CTNNA3: variants seen among roughly 807,000 people sequenced by gnomAD.
CTNNA3 encodes catenin alpha 3.
CTNNA3 carries 76 observed loss-of-function variants against 95.7 expected under a neutral mutation model. The ratio of observed to expected loss-of-function variants is 0.79; its 90% CI spans 0.66 to 0.96. CTNNA3 has a LOEUF of 0.96. Ranked by LOEUF, CTNNA3 falls within the 40% of genes least tolerant of loss-of-function variation. The pLI is 0.00. For missense variants in CTNNA3, 1,191 were observed against 1,089.8 expected, an observed-to-expected ratio of 1.09 and a Z score of -1.31; for synonymous variants, 431 against 374.4, an observed-to-expected ratio of 1.15 and a Z score of -1.74.
intron 7 of CTNNA3, among the ~76,000 whole-genome samples, chr10:67,048,646 C>T (rs1854897308): frequency 6.6e-6 from 1 of 152,026 alleles, no homozygotes; most frequent in African/African-American, 2.4e-5. Context: ...ATTTTGAGAG[C>T]TGCAGAAAAC....
chr10:66,447,619 G>A (rs551870630), intron 11 of CTNNA3, among the ~76,000 whole-genome samples: 17 of 152,092 alleles, frequency 1.1e-4, no homozygotes, highest in Admixed American at 3.3e-4. Context: ...ACTGGCTAGC[G>A]ATATGTAGAA....
At chr10:66,811,316 G>C (rs977502604) in intron 7 of CTNNA3, among the ~76,000 whole-genome samples, 1 of 152,174 alleles carries the variant, frequency 6.6e-6, no homozygotes, top group Non-Finnish European at 1.5e-5. Context: ...GTTTAGGTTA[G>C]AGAAGAGAAA....
At chr10:66,038,511 T>C (rs2079614375) in intron 15 of CTNNA3, among the ~76,000 whole-genome samples, 1 of 152,198 alleles carries the variant, frequency 6.6e-6, no homozygotes, top group Non-Finnish European at 1.5e-5. Context: ...AAATAACCTA[T>C]GGTCAGTAGG....
intron 11 of CTNNA3, among the ~76,000 whole-genome samples, chr10:66,503,611 G>A (rs1292407936): frequency 6.6e-6 from 1 of 152,048 alleles, no homozygotes; most frequent in Non-Finnish European, 1.5e-5. Flanking sequence ...TGGGATTACA[G>A]GCACATGCCA....
intron 3 of CTNNA3, among the ~76,000 whole-genome samples, chr10:67,586,246 G>A (rs1023288041): frequency 6.6e-6 from 1 of 151,984 alleles, no homozygotes; most frequent in Non-Finnish European, 1.5e-5. Flanking sequence ...CCTAATATAT[G>A]GTCTATCTTG....
chr10:66,089,500 A>C (rs189886636), intron 14 of CTNNA3, among the ~76,000 whole-genome samples: 19 of 151,552 alleles, frequency 1.3e-4, no homozygotes, highest in African/African-American at 4.4e-4. Flanking sequence ...AAATTAAAAC[A>C]TAAACTGTTT....
At chr10:67,203,405 A>G (rs1434984265) in intron 6 of CTNNA3, among the ~76,000 whole-genome samples, 1 of 152,146 alleles carries the variant, frequency 6.6e-6, no homozygotes, top group Non-Finnish European at 1.5e-5. Context: ...CTGTGAATCA[A>G]TTAAACCTCT....
At chr10:66,393,658 C>T (rs146120315) in intron 11 of CTNNA3, among the ~76,000 whole-genome samples, 1 of 152,058 alleles carries the variant, frequency 6.6e-6, no homozygotes, top group African/African-American at 2.4e-5. Flanking sequence ...TTCTGGTTGT[C>T]AACTGGTTTC....
intron 17 of CTNNA3, among the ~76,000 whole-genome samples, chr10:65,948,787 C>T (rs957705243): frequency 2.6e-5 from 4 of 152,102 alleles, no homozygotes; most frequent in African/African-American, 9.7e-5. Context: ...CAAATAATTA[C>T]CATACACAAT....
At chr10:66,961,625 G>A (rs1849113009) in intron 7 of CTNNA3, among the ~76,000 whole-genome samples, 1 of 151,920 alleles carries the variant, frequency 6.6e-6, no homozygotes, top group South Asian at 2.1e-4. Flanking sequence ...TACTGATATA[G>A]ACAAATCAAG....
chr10:67,370,500 G>A (rs555483983), intron 5 of CTNNA3, among the ~76,000 whole-genome samples: 5 of 152,196 alleles, frequency 3.3e-5, no homozygotes, highest in South Asian at 2.1e-4. Flanking sequence ...GTTTGCATGC[G>A]AATAACGACA....
At chr10:67,752,549 G>C (rs1841412913) in intron 1 of CTNNA3, among the ~76,000 whole-genome samples, 1 of 152,160 alleles carries the variant, frequency 6.6e-6, no homozygotes. Flanking sequence ...TGTCTCTGCA[G>C]ACAACATAAT....
intron 7 of CTNNA3, among the ~76,000 whole-genome samples, chr10:66,866,919 T>C (rs2394307): frequency 0.29 from 44,383 of 152,022 alleles, 7,142 homozygotes; most frequent in African/African-American, 0.42. Context: ...TGAGAGATAA[T>C]TGAATCATAG....
intron 1 of CTNNA3, among the ~76,000 whole-genome samples, chr10:67,727,586 T>C (rs1029336423): frequency 1.6e-5 from 2 of 128,714 alleles, no homozygotes; most frequent in African/African-American, 5.7e-5. Flanking sequence ...TAATATATGA[T>C]ATATATCATA....
chr10:66,841,036 A>G (rs1843050471), intron 7 of CTNNA3, among the ~76,000 whole-genome samples: 1 of 152,188 alleles, frequency 6.6e-6, no homozygotes, highest in African/African-American at 2.4e-5. Context: ...AATTTGAACT[A>G]TACTGATTTG....
chr10:67,726,450 T>TATAATATATAA (rs1251801443), intron 1 of CTNNA3, among the ~76,000 whole-genome samples: 1 of 78,736 alleles, frequency 1.3e-5, no homozygotes, highest in African/African-American at 5.3e-5. Flanking sequence ...ATATATAATA[T>TATAATATATAA]TATATATGAT....
In CTNNA3 at chr10:67,138,138, T is replaced by C. The variant is rs550925307; in HGVS notation, c.1047+42179A>G. 1.2e-3 allele frequency among the ~76,000 whole-genome samples: 179 copies of C among 152,184 alleles called. 1 individual carries two copies. Among genetic ancestry groups the C allele is most frequent in the African/African-American group, 4.1e-3 (171 of 41,534 alleles). ...CCTCCAAGAAGAAACATTAGATTTA[T>C]ATATGTATGGGTGTGAGTGTGTGTG... On this transcript the variant is annotated intron_variant, in intron 7 of 17. Coordinates refer to ENST00000433211, the MANE Select transcript of CTNNA3 (RefSeq NM_013266.4).
At position 67,522,075 on chromosome 10, in the gene CTNNA3, A is replaced by C. The variant is rs532446032; in HGVS notation, c.460-114T>G. The C allele has an allele frequency of 4.3e-5, 42 of 984,938 alleles. No individual in the cohort carries two copies. The East Asian group carries it at 9.7e-4, about 23-fold the overall frequency. The allele number at this position is 984,938 out of a possible 1,614,324, so 61.0% of individuals were successfully genotyped here. On this transcript the variant is annotated intron_variant, in intron 4 of 17. Coordinates refer to ENST00000433211, the MANE Select transcript of CTNNA3 (RefSeq NM_013266.4). ...CCTCAGTTTCTCCCATTCATAATAC[A>C]GTGATAACAAATGCTAGCTAATTAT... is the stretch of plus-strand genomic sequence containing the variant.
At chr10:66,508,255 CT>C (rs1173331435) in intron 11 of CTNNA3, among the ~76,000 whole-genome samples, 1 of 128,390 alleles carries the variant, frequency 7.8e-6, no homozygotes, top group Non-Finnish European at 1.7e-5. Context: ...GAGTCTAAGA[CT>C]TCAGGGCTGG....
Sources: gnomAD v4.1 joint callset for allele counts (sites outside exome capture counted in the v4.1 genomes callset) on GRCh38, gnomAD v4.1.1 for gene constraint, MANE v1.5 for transcripts, NCBI Gene and HGNC (gene_info 2026-07-23, HGNC 2026-07-21) for gene names.